PTPRT: variants seen among roughly 807,000 people sequenced by gnomAD.
The protein encoded by PTPRT is receptor-type tyrosine-protein phosphatase T.
PTPRT carries 56 observed loss-of-function variants against 176.8 expected under a neutral mutation model. The ratio of observed to expected loss-of-function variants is 0.32; its 90% CI spans 0.26 to 0.40. PTPRT has a LOEUF of 0.40. PTPRT is among the 10% of genes least tolerant of loss of function. PTPRT has a pLI of 1.00. For synonymous variants in PTPRT, 783 were observed against 739.0 expected (o/e 1.06, Z -0.96); for missense variants, 1,540 against 1,908.2 (o/e 0.81, Z 3.60).
chr20:42,448,352 A>ACTTGATGTCAC (rs766830357), intron 8 of PTPRT, 23 bp from the exon 9 acceptor site: 1 of 1,533,652 alleles, frequency 6.5e-7, no homozygotes, highest in Non-Finnish European at 9.0e-7. Flanking sequence ...AAAGTTATGA[A>ACTTGATGTCAC]CTTGATGTCA....
chr20:42,304,999 A>G (rs949655950), intron 12 of PTPRT, among the ~76,000 whole-genome samples: 1 of 152,168 alleles, frequency 6.6e-6, no homozygotes, highest in Admixed American at 6.5e-5. Flanking sequence ...CACCTATACT[A>G]GGCCTCTGGT....
At chr20:42,577,923 CTGTGTGTGTGTGTGTGTGTGTGTGTGTG>C (rs777761268) in intron 7 of PTPRT, among the ~76,000 whole-genome samples, 6 of 111,268 alleles carry the variant, frequency 5.4e-5, no homozygotes, top group African/African-American at 1.9e-4. Context: ...CTGAGCGAGG[CTGTGTGTGTGTGTGTGTGTGTGTGTGTG>C]TGTGTGTGTG....
At chr20:42,179,108 C>T (rs1461894562) in intron 16 of PTPRT, among the ~76,000 whole-genome samples, 3 of 152,154 alleles carry the variant, frequency 2.0e-5, no homozygotes, top group Non-Finnish European at 4.4e-5. Context: ...AGTTTGCCAA[C>T]CACAAATCCT....
chr20:42,791,520 C>T (rs2077375907), intron 2 of PTPRT, 54 bp from the exon 3 acceptor site: 1 of 1,522,074 alleles, frequency 6.6e-7, no homozygotes, highest in Non-Finnish European at 8.9e-7. Flanking sequence ...GTAAGAAAAT[C>T]CTTCTGAAAA....
At chr20:43,094,125 G>A (rs1393607196) in intron 1 of PTPRT, among the ~76,000 whole-genome samples, 10 of 126,584 alleles carry the variant, frequency 7.9e-5, no homozygotes, top group Admixed American at 2.8e-4. Flanking sequence ...GTCTTGCCCT[G>A]TCGCTAAGCA....
chr20:42,296,410 C>T (rs184673860), intron 12 of PTPRT, among the ~76,000 whole-genome samples: 15 of 148,956 alleles, frequency 1.0e-4, no homozygotes, highest in African/African-American at 3.5e-4. Flanking sequence ...CACACCACTG[C>T]ACTCCAGCCT....
intron 1 of PTPRT, among the ~76,000 whole-genome samples, chr20:42,985,644 C>T (rs1471344629): frequency 6.6e-6 from 1 of 152,076 alleles, no homozygotes; most frequent in Non-Finnish European, 1.5e-5. Context: ...TTTAAAAATA[C>T]AGACTTTTTA....
At chr20:42,767,824 TTA>T (rs909964705) in intron 5 of PTPRT, among the ~76,000 whole-genome samples, 32 of 146,610 alleles carry the variant, frequency 2.2e-4, no homozygotes, top group African/African-American at 5.9e-4. Flanking sequence ...TTTTTATATA[TTA>T]TATATGTTAT....
intron 3 of PTPRT, among the ~76,000 whole-genome samples, chr20:42,783,118 T>C (rs1444932113): frequency 6.6e-6 from 1 of 152,192 alleles, no homozygotes; most frequent in African/African-American, 2.4e-5. Context: ...AAGAAGAAAT[T>C]GTTTAGCTTT....
At chr20:43,058,101 G>C (rs1318559115) in intron 1 of PTPRT, among the ~76,000 whole-genome samples, 2 of 152,144 alleles carry the variant, frequency 1.3e-5, no homozygotes, top group East Asian at 3.8e-4. Context: ...AGAGAAGCAG[G>C]ACAGGTACAA....
intron 7 of PTPRT, among the ~76,000 whole-genome samples, chr20:42,668,355 C>T (rs1482596621): frequency 6.6e-6 from 1 of 152,142 alleles, no homozygotes; most frequent in Non-Finnish European, 1.5e-5. Context: ...AAAATAAACA[C>T]TGCCACCTTC....
At chr20:42,440,038 C>G (rs1014481023) in intron 9 of PTPRT, among the ~76,000 whole-genome samples, 2 of 152,154 alleles carry the variant, frequency 1.3e-5, no homozygotes, top group Non-Finnish European at 2.9e-5. Context: ...TCCCAAGTAG[C>G]TGGGACTACA....
intron 6 of PTPRT, among the ~76,000 whole-genome samples, chr20:42,703,898 T>C (rs544143901): frequency 8.8e-4 from 134 of 152,326 alleles, no homozygotes; most frequent in African/African-American, 3.1e-3. Flanking sequence ...TAAAACTTGA[T>C]GTTGTTGGAA....
chr20:42,883,851 C>T (rs1454460538), intron 2 of PTPRT, among the ~76,000 whole-genome samples: 13 of 1,152 alleles, frequency 0.011, no homozygotes, highest in Admixed American at 0.02. Flanking sequence ...CACATAGACA[C>T]ACACCCCCAT....
chr20:42,675,401 G>A (rs541783319), intron 7 of PTPRT, among the ~76,000 whole-genome samples: 10 of 152,220 alleles, frequency 6.6e-5, no homozygotes, highest in Middle Eastern at 6.8e-3. Flanking sequence ...TATATATATC[G>A]TAGGCAATCT....
At chr20:42,487,087 G>A (rs1003560902) in intron 7 of PTPRT, among the ~76,000 whole-genome samples, 2 of 152,186 alleles carry the variant, frequency 1.3e-5, no homozygotes, top group Admixed American at 1.3e-4. Context: ...CCCGAGGGAG[G>A]AAAGTCTGAC....
intron 7 of PTPRT, among the ~76,000 whole-genome samples, chr20:42,622,652 G>C (rs1030507329): frequency 3.3e-5 from 5 of 152,200 alleles, no homozygotes; most frequent in Non-Finnish European, 7.3e-5. Flanking sequence ...ACAGTAGCTG[G>C]ATGTTAAATA....
intron 7 of PTPRT, among the ~76,000 whole-genome samples, chr20:42,506,301 C>T (rs1205747134): frequency 6.6e-6 from 1 of 152,078 alleles, no homozygotes; most frequent in Non-Finnish European, 1.5e-5. Context: ...AAAATGAGTA[C>T]ACTGGTGTGT....
chr20:42,068,716 G>A (rs183209793), downstream of PTPRT, among the ~76,000 whole-genome samples: 357 of 152,270 alleles, frequency 2.3e-3, 10 homozygotes, highest in Admixed American at 0.023. Flanking sequence ...AGCTTCTTGT[G>A]TCTTGTAATC....
Sources: allele counts gnomAD v4.1 joint callset (sites outside exome capture counted in the v4.1 genomes callset), GRCh38; gene constraint gnomAD v4.1.1; transcripts MANE v1.5; gene names NCBI Gene and HGNC (gene_info 2026-07-23, HGNC 2026-07-21).